The following DOCK9 variants were observed in gnomAD, a reference collection of about 807,000 sequenced individuals.
DOCK9 encodes dedicator of cytokinesis 9, also known as dedicator of cytokinesis protein 9.
DOCK9 carries 89 observed loss-of-function variants against 263.3 expected under a neutral mutation model. The observed-to-expected ratio is 0.34, with a 90% CI of 0.28 to 0.40. The LOEUF (loss-of-function observed/expected upper bound fraction) is 0.40, where lower values mean the gene tolerates loss of function less well. Ranked by LOEUF, DOCK9 falls within the 10% of genes least tolerant of loss-of-function variation. The probability of loss-of-function intolerance (pLI) is 1.00; values close to 1 mark genes in which losing one functional copy is unlikely to be tolerated. For synonymous variants in DOCK9, 976 were observed against 973.1 expected (o/e 1.00, Z -0.06); for missense variants, 2,140 against 2,603.4 (o/e 0.82, Z 3.87).
chr13:98,966,312 A>G (rs2059189264), intron 1 of DOCK9, among the ~76,000 whole-genome samples: 1 of 152,226 alleles, frequency 6.6e-6, no homozygotes, highest in South Asian at 2.1e-4. Context: ...GGAAGGGTAA[A>G]AGGGGAACAC....
At chr13:98,922,022 G>A (rs755861940) in intron 6 of DOCK9, 29 bp downstream of exon 6, 1 of 1,538,328 alleles carries the variant, frequency 6.5e-7, no homozygotes, top group South Asian at 1.2e-5. Context: ...GCTTGTGAGA[G>A]GGGAGGGCAA....
chr13:98,985,726 T>C (rs1878295545), intron 1 of DOCK9, among the ~76,000 whole-genome samples: 1 of 152,236 alleles, frequency 6.6e-6, no homozygotes. Context: ...ACTCCTGGTA[T>C]GGGTTACCAA....
At chr13:99,060,060 T>C (rs2041110998) in intron 1 of DOCK9, among the ~76,000 whole-genome samples, 1 of 135,702 alleles carries the variant, frequency 7.4e-6, no homozygotes, top group African/African-American at 2.7e-5. Flanking sequence ...TGATTGTTTC[T>C]ACTTTTTTTT....
At chr13:98,932,479 G>T (rs2054128143) in intron 2 of DOCK9, among the ~76,000 whole-genome samples, 1 of 152,184 alleles carries the variant, frequency 6.6e-6, no homozygotes, top group African/African-American at 2.4e-5. Context: ...CAAACATTTT[G>T]CTGAGAGAAT....
chr13:98,933,969 C>T (rs1224719738), intron 2 of DOCK9, among the ~76,000 whole-genome samples: 2 of 152,078 alleles, frequency 1.3e-5, no homozygotes, highest in Non-Finnish European at 2.9e-5. Context: ...GCAATCACAG[C>T]TCAGTGCAAC....
chr13:99,034,348 A>G (rs1887642464), intron 1 of DOCK9, among the ~76,000 whole-genome samples: 1 of 152,188 alleles, frequency 6.6e-6, no homozygotes, highest in South Asian at 2.1e-4. Flanking sequence ...ACTGAAGCTG[A>G]AGCTCCCAGA....
intron 1 of DOCK9, among the ~76,000 whole-genome samples, chr13:98,992,146 C>A (rs1467134621): frequency 6.6e-6 from 1 of 151,126 alleles, no homozygotes; most frequent in African/African-American, 2.4e-5. Flanking sequence ...AATGCCCCAA[C>A]AGGAGGGATG....
intron 1 of DOCK9, among the ~76,000 whole-genome samples, chr13:98,975,466 AACACATACACAC>A (rs2060167328): frequency 1.0e-5 from 1 of 98,300 alleles, no homozygotes; most frequent in Non-Finnish European, 2.2e-5. Flanking sequence ...ATATTCTCTA[AACACATACACAC>A]ACACACACAC....
intron 38 of DOCK9, chr13:98,845,382 C>G: frequency 7.4e-7 from 1 of 1,350,814 alleles, no homozygotes; most frequent in Non-Finnish European, 9.8e-7. Context: ...ACTGAAAACA[C>G]AGAAAAAGTC....
intron 1 of DOCK9, among the ~76,000 whole-genome samples, chr13:99,075,429 T>C (rs1291266670): frequency 6.7e-6 from 1 of 148,494 alleles, no homozygotes; most frequent in African/African-American, 2.5e-5. Context: ...CAGAGCTCAC[T>C]GCAGCCATGA....
At chr13:98,922,181 C>T in intron 5 of DOCK9, 35 bp from the exon 6 acceptor site, 1 of 1,491,420 alleles carries the variant, frequency 6.7e-7, no homozygotes, top group South Asian at 1.2e-5. Flanking sequence ...AGTCAACCTC[C>T]CGTTATTACC....
intron 30 of DOCK9, 75 bp from the exon 31 acceptor site, chr13:98,863,623 C>A (rs1006225447): frequency 7.5e-4 from 1,078 of 1,440,064 alleles, no homozygotes; most frequent in South Asian, 1.7e-3. Context: ...AACAAACAAA[C>A]AAAAAAAACT....
chr13:98,886,990 GT>G (rs1298181545), intron 18 of DOCK9, among the ~76,000 whole-genome samples: 7 of 151,734 alleles, frequency 4.6e-5, no homozygotes, highest in Non-Finnish European at 8.8e-5. Flanking sequence ...CCTTCCATGT[GT>G]CCCCTCAGCA....
intron 38 of DOCK9, chr13:98,845,247 G>C: frequency 1.0e-6 from 1 of 995,904 alleles, no homozygotes; most frequent in Non-Finnish European, 1.4e-6. Context: ...CCCAAAGTTA[G>C]GAAGGCAAGA....
intron 1 of DOCK9, among the ~76,000 whole-genome samples, chr13:99,029,675 C>T (rs965968795): frequency 3.3e-5 from 5 of 152,166 alleles, no homozygotes; most frequent in African/African-American, 1.2e-4. Flanking sequence ...AAAAGACTGA[C>T]ATAGTGAGTG....
chr13:98,956,519 G>T (rs1031319789), intron 1 of DOCK9, among the ~76,000 whole-genome samples: 4 of 152,066 alleles, frequency 2.6e-5, no homozygotes, highest in Admixed American at 2.6e-4. Context: ...GGCCGAGATG[G>T]GTGGGTCACC....
At chr13:98,846,684 C>T in intron 37 of DOCK9, 1 of 594,548 alleles carries the variant, frequency 1.7e-6, no homozygotes, top group South Asian at 1.5e-5. Context: ...CACCTGTCCC[C>T]TGTCCCGGAG....
At chr13:99,083,055 G>C (rs964025005) in intron 1 of DOCK9, among the ~76,000 whole-genome samples, 1 of 152,108 alleles carries the variant, frequency 6.6e-6, no homozygotes, top group African/African-American at 2.4e-5. Flanking sequence ...AGGAGTTTGA[G>C]ACCAGCCTAG....
At position 98,930,767 on chromosome 13, in the gene DOCK9, C is replaced by T. The variant is rs146493301; in HGVS notation, c.244-510G>A. Among the ~76,000 whole-genome samples the T allele has an allele frequency of 8.0e-3, 1,217 of 152,212 alleles. 10 individuals carry two copies. The highest frequency in any genetic ancestry group is 0.027 in the African/African-American group (1,133 of 41,528). On this transcript the variant is annotated intron_variant, in intron 2 of 52. Transcript: ENST00000682017. ...TCAAGCGATTCTCCTGTCTCAGCCTCCCGAGTAGCTGGGATTACAGGCATG... is the reference window on the plus strand; with the variant it reads ...TCAAGCGATTCTCCTGTCTCAGCCTTCCGAGTAGCTGGGATTACAGGCATG...
Sources: gnomAD v4.1 joint callset for allele counts (sites outside exome capture counted in the v4.1 genomes callset) on GRCh38, gnomAD v4.1.1 for gene constraint, MANE v1.5 for transcripts, NCBI Gene and HGNC (gene_info 2026-07-23, HGNC 2026-07-21) for gene names.